CLVS1: variants seen among roughly 807,000 people sequenced by gnomAD.
CLVS1 encodes the protein clavesin 1.
In CLVS1, 10 loss-of-function variants were observed where a neutral mutation model predicts 33.1. The observed-to-expected ratio is 0.30, with a 90% CI of 0.19 to 0.51. CLVS1 has a LOEUF of 0.51. Ranked by LOEUF, CLVS1 falls within the 20% of genes least tolerant of loss-of-function variation. The pLI, the probability that CLVS1 is intolerant of heterozygous loss-of-function variation, is 0.97. For synonymous variants in CLVS1, 163 were observed against 166.1 expected, an observed-to-expected ratio of 0.98 and a Z score of 0.14; for missense variants, 343 against 433.4, an observed-to-expected ratio of 0.79 and a Z score of 1.85.
intron 1 of CLVS1, among the ~76,000 whole-genome samples, chr8:61,129,093 A>G (rs1182707915): frequency 1.3e-5 from 2 of 152,252 alleles, no homozygotes; most frequent in Non-Finnish European, 2.9e-5. Flanking sequence ...TCCTTAGAAC[A>G]TCAACCCTCA....
At chr8:61,217,723 C>G (rs1474337839) in intron 2 of CLVS1, among the ~76,000 whole-genome samples, 5 of 152,112 alleles carry the variant, frequency 3.3e-5, no homozygotes, top group South Asian at 2.1e-4. Context: ...AATAGACAAC[C>G]CACAGAGTGG....
At chr8:61,084,132 A>T (rs1171672258) in intron 1 of CLVS1, among the ~76,000 whole-genome samples, 1 of 152,180 alleles carries the variant, frequency 6.6e-6, no homozygotes, top group Non-Finnish European at 1.5e-5. Context: ...ACAAGATAAC[A>T]CTTACCTGGC....
chr8:61,285,962 T>G (rs1282296861), upstream of CLVS1, among the ~76,000 whole-genome samples: 9 of 90,032 alleles, frequency 1.0e-4, no homozygotes, highest in African/African-American at 7.2e-4. Flanking sequence ...CCCTGTAGTT[T>G]TTTTTTTTTT....
In CLVS1 at chr8:61,213,844, G is replaced by A. The variant is rs796995930; in HGVS notation, c.-152+81984G>A. Among the ~76,000 whole-genome samples, 8 of 152,206 alleles carry A rather than the reference G, an allele frequency of 5.3e-5. No homozygotes were observed. In the East Asian group the frequency reaches 1.4e-3, roughly 26 times the overall value. ...ATAACCTTAAACTCTGACCACCGGT[G>A]AGCCGGGTGGAACAGAGCCATATTT... On this transcript the variant is annotated intron_variant, in intron 2 of 2. Transcript: ENST00000522621.
chr8:61,473,084 A>C (rs754537782), intron 5 of CLVS1, among the ~76,000 whole-genome samples: 1 of 152,114 alleles, frequency 6.6e-6, no homozygotes, highest in Non-Finnish European at 1.5e-5. Context: ...ATCCTAACCT[A>C]GTCTTGGGTG....
intron 3 of CLVS1, among the ~76,000 whole-genome samples, chr8:61,428,043 C>T (rs965273015): frequency 6.6e-6 from 1 of 152,202 alleles, no homozygotes; most frequent in Non-Finnish European, 1.5e-5. Flanking sequence ...TGGAGTGTTA[C>T]CCTGATAGTG....
chr8:61,174,843 C>T (rs1807082935), intron 2 of CLVS1, among the ~76,000 whole-genome samples: 1 of 152,062 alleles, frequency 6.6e-6, no homozygotes, highest in African/African-American at 2.4e-5. Context: ...AATTTTTATC[C>T]CCCCCGTCAG....
intron 3 of CLVS1, among the ~76,000 whole-genome samples, chr8:61,414,895 C>G (rs1815371199): frequency 6.6e-6 from 1 of 152,168 alleles, no homozygotes; most frequent in South Asian, 2.1e-4. Context: ...GGACAATTAC[C>G]TACTTAACAG....
intron 3 of CLVS1, among the ~76,000 whole-genome samples, chr8:61,426,394 G>A (rs1815893800): frequency 6.6e-6 from 1 of 152,142 alleles, no homozygotes; most frequent in African/African-American, 2.4e-5. Context: ...TCCTGTATTT[G>A]TCTTATTTTC....
At chr8:61,118,588 T>C (rs1274817130) in intron 1 of CLVS1, among the ~76,000 whole-genome samples, 1 of 151,646 alleles carries the variant, frequency 6.6e-6, no homozygotes, top group Admixed American at 6.6e-5. Context: ...TTCTCATTGG[T>C]TTCAAAGAAC....
chr8:61,032,988 GGAAGGAAAGAAAGAAAGAAAGAAA>G, the CLVS1 span, among the ~76,000 whole-genome samples: 57 of 75,202 alleles, frequency 7.6e-4, 3 homozygotes, highest in South Asian at 8.3e-3. Context: ...AAGGAAGGAA[GGAAGGAAAGAAAGAAAGAAAGAAA>G]GAAAGAAAGA....
intron 2 of CLVS1, among the ~76,000 whole-genome samples, chr8:61,326,523 A>G (rs1400491434): frequency 6.6e-6 from 1 of 152,200 alleles, no homozygotes; most frequent in Non-Finnish European, 1.5e-5. Flanking sequence ...GATTCCTGGT[A>G]CCACATTCTA....
chr8:61,126,224 G>C (rs144461937), intron 1 of CLVS1, among the ~76,000 whole-genome samples: 1 of 152,160 alleles, frequency 6.6e-6, no homozygotes, highest in African/African-American at 2.4e-5. Flanking sequence ...TCTCGGTCCA[G>C]CTACCTCATG....
At chr8:61,240,640 T>G (rs1038075740) in intron 2 of CLVS1, among the ~76,000 whole-genome samples, 1 of 152,254 alleles carries the variant, frequency 6.6e-6, no homozygotes, top group Admixed American at 6.5e-5. Flanking sequence ...TTTGCTAGTT[T>G]CACATATTGA....
chr8:60,995,877 T>A, the CLVS1 span, among the ~76,000 whole-genome samples: 2 of 152,106 alleles, frequency 1.3e-5, no homozygotes, highest in Non-Finnish European at 2.9e-5. Context: ...ATGGATGAAA[T>A]TGGAAATCAT....
chr8:61,076,204 C>T (rs1296236729), intron 1 of CLVS1, among the ~76,000 whole-genome samples: 3 of 151,958 alleles, frequency 2.0e-5, no homozygotes, highest in Admixed American at 1.3e-4. Context: ...TCCTTTCCTC[C>T]TCTCTCTCCC....
chr8:61,321,405 T>C (rs2129596299), intron 2 of CLVS1, among the ~76,000 whole-genome samples: 1 of 152,260 alleles, frequency 6.6e-6, no homozygotes, highest in African/African-American at 2.4e-5. Context: ...TGATTTTTTT[T>C]TCTTCTGGAT....
chr8:61,300,305 C>G (rs1185217541), intron 2 of CLVS1, 23 bp downstream of exon 2: 1 of 1,578,022 alleles, frequency 6.3e-7, no homozygotes, highest in Non-Finnish European at 8.6e-7. Flanking sequence ...AGTGTCTTTA[C>G]TTGGTTTTTC....
At chr8:61,330,280 A>G (rs1242021305) in intron 2 of CLVS1, among the ~76,000 whole-genome samples, 1 of 152,204 alleles carries the variant, frequency 6.6e-6, no homozygotes, top group Non-Finnish European at 1.5e-5. Flanking sequence ...GAGCTTTACC[A>G]TGAGGGTTCT....
Sources: gnomAD v4.1 joint callset for allele counts (sites outside exome capture counted in the v4.1 genomes callset) on GRCh38, gnomAD v4.1.1 for gene constraint, MANE v1.5 for transcripts, NCBI Gene and HGNC (gene_info 2026-07-23, HGNC 2026-07-21) for gene names.